The following EFNA5 variants were observed in gnomAD, a reference collection of about 807,000 sequenced individuals.
The protein encoded by EFNA5 is ephrin A5, also known as ephrin-A5.
Under a neutral mutation model 22.9 loss-of-function variants are expected in EFNA5, and 5 were observed. The observed-to-expected ratio is 0.22, with a 90% CI of 0.11 to 0.46. EFNA5 has a LOEUF of 0.46. EFNA5 is among the 20% of genes least tolerant of loss of function. EFNA5 has a pLI of 0.99. For missense variants in EFNA5, 237 were observed against 293.3 expected (o/e 0.81, Z 1.40); for synonymous variants, 113 against 112.2 (o/e 1.01, Z -0.04).
chr5:107,524,515 C>T (rs766902609), intron 1 of EFNA5, among the ~76,000 whole-genome samples: 2 of 152,198 alleles, frequency 1.3e-5, no homozygotes, highest in African/African-American at 4.8e-5. Context: ...CTACTATTTA[C>T]TCCACTAATG....
In EFNA5 at chr5:107,380,124, G is replaced by A. The variant is rs1747397898; in HGVS notation, c.*1131C>T. The A allele has an allele frequency of 1.3e-5, 2 of 151,870 alleles. No homozygotes were observed. The highest frequency in any genetic ancestry group is 4.8e-5 in the African/African-American group (2 of 41,338). 9.4% of individuals were successfully genotyped at this position (151,870 alleles called of 1,614,324 possible). A position where few individuals can be genotyped will look rare whatever the true frequency, so the allele number is the denominator to read the frequency against. On this transcript the variant is annotated 3_prime_UTR_variant, in exon 5 of 5. Transcript: ENST00000333274. ...GACTCTCCTGGTGACAGGGGTTTGT[G>A]TCCGAGCCCCTGCGGTCAAGGAGTG...
chr5:107,565,886 T>C lies in EFNA5; in HGVS notation c.125+104603A>G, dbSNP rs531232175. Among the ~76,000 whole-genome samples, 9 of 152,372 alleles carry C rather than the reference T, an allele frequency of 5.9e-5. No individual in the cohort carries two copies. In the South Asian group the frequency reaches 1.9e-3, roughly 32 times the overall value. ...TGGAGGAGAAAAAGTTAATTTTACA[T>C]GACGCTGCATAATTTTACTTTAGCT... is the stretch of plus-strand genomic sequence containing the variant. On this transcript the variant is annotated intron_variant, in intron 1 of 4. Transcript: ENST00000333274.
Position 107,418,296 on chromosome 5 carries a change from C to T in EFNA5, c.418+8921G>A, listed in dbSNP as rs114034428. On this transcript the variant is annotated intron_variant, in intron 2 of 4. Coordinates refer to ENST00000333274, the MANE Select transcript of EFNA5 (RefSeq NM_001962.3). ...TCTGCTCTATGTAACACTGTACACA[C>T]ACGTGATACAGCAGCTCATTAAACT... Among the ~76,000 whole-genome samples the T allele has an allele frequency of 6.5e-3, 991 of 152,272 alleles. 15 individuals are homozygous for T. The highest frequency in any genetic ancestry group is 0.021 in the African/African-American group (887 of 41,564).
intron 1 of EFNA5, among the ~76,000 whole-genome samples, chr5:107,578,798 A>G (rs1748981243): frequency 1.3e-5 from 2 of 152,194 alleles, no homozygotes; most frequent in Non-Finnish European, 2.9e-5. Context: ...AAAGGAAATG[A>G]CACTGCTGTC....
At chr5:107,507,635 G>A (rs1277365936) in intron 1 of EFNA5, among the ~76,000 whole-genome samples, 2 of 151,830 alleles carry the variant, frequency 1.3e-5, no homozygotes, top group Admixed American at 6.6e-5. Flanking sequence ...TCAGGAGTTT[G>A]AGACCAGCCT....
intron 1 of EFNA5, among the ~76,000 whole-genome samples, chr5:107,548,520 A>T (rs189523412): frequency 6.6e-6 from 1 of 152,354 alleles, no homozygotes; most frequent in East Asian, 1.9e-4. Context: ...GTTTCTAAAA[A>T]GATTGACAGG....
chr5:107,597,282 C>G (rs1274368517), intron 1 of EFNA5, among the ~76,000 whole-genome samples: 4 of 152,116 alleles, frequency 2.6e-5, no homozygotes, highest in African/African-American at 9.7e-5. Flanking sequence ...CATGAGTAGG[C>G]AAAGACAGAT....
In EFNA5 at chr5:107,666,939, T is replaced by C. The variant is rs141334767; in HGVS notation, c.125+3550A>G. On this transcript the variant is annotated intron_variant, in intron 1 of 4. Coordinates refer to ENST00000333274, the MANE Select transcript of EFNA5 (RefSeq NM_001962.3). ...CTAAAGGAGAATGTAAATAAACTTT[T>C]ATTACTGGAAGTCTTTTTAACTTTA... 9.5e-4 allele frequency among the ~76,000 whole-genome samples: 145 copies of C among 152,252 alleles called. 2 individuals carry two copies. The East Asian group carries it at 0.023, about 24-fold the overall frequency.
chr5:107,460,204 A>G (rs560176543), intron 1 of EFNA5, among the ~76,000 whole-genome samples: 2 of 152,266 alleles, frequency 1.3e-5, no homozygotes, highest in South Asian at 2.1e-4. Context: ...AAAGGCTTGG[A>G]AAGTATCTCC....
At chr5:107,488,862 T>A (rs1746719162) in intron 1 of EFNA5, among the ~76,000 whole-genome samples, 1 of 151,912 alleles carries the variant, frequency 6.6e-6, no homozygotes, top group South Asian at 2.1e-4. Context: ...TGGCTAATTT[T>A]TTGTATTTTT....
intron 1 of EFNA5, among the ~76,000 whole-genome samples, chr5:107,621,153 G>C (rs796898531): frequency 5.9e-5 from 9 of 152,326 alleles, no homozygotes; most frequent in African/African-American, 2.2e-4. Context: ...ACTTCTGAAA[G>C]GCAACTGTGG....
intron 1 of EFNA5, among the ~76,000 whole-genome samples, chr5:107,531,429 G>C (rs992372437): frequency 2.6e-5 from 4 of 152,224 alleles, no homozygotes; most frequent in Admixed American, 1.3e-4. Context: ...CAGGACAGAT[G>C]AGGAATGCCT....
intron 2 of EFNA5, among the ~76,000 whole-genome samples, chr5:107,400,517 T>A (rs558459199): frequency 6.6e-6 from 1 of 152,202 alleles, no homozygotes; most frequent in Non-Finnish European, 1.5e-5. Flanking sequence ...CTGACAGTTA[T>A]AGATTTGTTT....
chr5:107,482,950 T>G (rs534961197), intron 1 of EFNA5, among the ~76,000 whole-genome samples: 9 of 136,834 alleles, frequency 6.6e-5, no homozygotes, highest in African/African-American at 2.2e-4. Flanking sequence ...AACAGAAAAA[T>G]AAATTGAAAA....
intron 1 of EFNA5, among the ~76,000 whole-genome samples, chr5:107,638,550 T>C (rs1219035341): frequency 1.3e-5 from 2 of 152,132 alleles, no homozygotes; most frequent in Non-Finnish European, 1.5e-5. Context: ...AATACAAAAA[T>C]GCAAAATTTA....
intron 1 of EFNA5, among the ~76,000 whole-genome samples, chr5:107,473,964 T>C (rs904080186): frequency 1.3e-5 from 2 of 152,174 alleles, no homozygotes; most frequent in African/African-American, 4.8e-5. Flanking sequence ...TGGCCTCATT[T>C]GACTTTAACA....
At chr5:107,427,022 G>C in intron 2 of EFNA5, 195 bp downstream of exon 2, 1 of 609,082 alleles carries the variant, frequency 1.6e-6, no homozygotes, top group South Asian at 2.1e-5. Flanking sequence ...TTCATAGGGG[G>C]AGACGCGCTC....
chr5:107,666,164 G>A (rs1208286323), intron 1 of EFNA5, among the ~76,000 whole-genome samples: 1 of 152,078 alleles, frequency 6.6e-6, no homozygotes, highest in Non-Finnish European at 1.5e-5. Flanking sequence ...CAAATTCTTA[G>A]ATTTAAACCA....
chr5:107,518,865 T>C (rs2112441304), intron 1 of EFNA5, among the ~76,000 whole-genome samples: 1 of 152,304 alleles, frequency 6.6e-6, no homozygotes, highest in Admixed American at 6.5e-5. Context: ...AGAAACTCAA[T>C]GGAAAGTATT....
Sources: gnomAD v4.1 joint callset for allele counts (sites outside exome capture counted in the v4.1 genomes callset) on GRCh38, gnomAD v4.1.1 for gene constraint, MANE v1.5 for transcripts, NCBI Gene and HGNC (gene_info 2026-07-23, HGNC 2026-07-21) for gene names.